The following DOK6 variants were observed in gnomAD, a reference collection of about 807,000 sequenced individuals.
DOK6 encodes docking protein 6, also known as downstream of tyrosine kinase 6.
A neutral mutation model predicts 44.0 loss-of-function variants in DOK6; 22 were observed. That is an observed-to-expected ratio of 0.50 (90% CI 0.36 to 0.71). DOK6 has a LOEUF of 0.71. Ranked by LOEUF, DOK6 falls within the 30% of genes least tolerant of loss-of-function variation. The pLI is 0.00. For synonymous variants in DOK6, 166 were observed against 145.5 expected, an observed-to-expected ratio of 1.14 and a Z score of -1.01; for missense variants, 340 against 416.4, an observed-to-expected ratio of 0.82 and a Z score of 1.60.
At chr18:69,482,750 A>G (rs1568272266) in intron 1 of DOK6, among the ~76,000 whole-genome samples, 2 of 152,058 alleles carry the variant, frequency 1.3e-5, no homozygotes, top group Admixed American at 1.3e-4. Context: ...TATAAAAATT[A>G]TTCTATAAAA....
intron 1 of DOK6, among the ~76,000 whole-genome samples, chr18:69,497,879 C>G (rs563935946): frequency 1.3e-5 from 2 of 152,044 alleles, no homozygotes; most frequent in African/African-American, 4.8e-5. Context: ...AATCTCACTA[C>G]GTTGGGAAGG....
chr18:69,590,106 T>A (rs1983590635), intron 2 of DOK6, among the ~76,000 whole-genome samples: 1 of 152,154 alleles, frequency 6.6e-6, no homozygotes, highest in South Asian at 2.1e-4. Flanking sequence ...AATAAATGCC[T>A]AGTGGTCTTC....
intron 1 of DOK6, among the ~76,000 whole-genome samples, chr18:69,498,211 A>T (rs1312768178): frequency 6.6e-6 from 1 of 152,194 alleles, no homozygotes; most frequent in African/African-American, 2.4e-5. Context: ...ATTTGATTTC[A>T]TTCCAATTAA....
At chr18:69,837,141 T>G (rs1490632079) in intron 7 of DOK6, among the ~76,000 whole-genome samples, 2 of 152,172 alleles carry the variant, frequency 1.3e-5, no homozygotes, top group Non-Finnish European at 2.9e-5. Context: ...AATGTCTTAG[T>G]CTTTTTTGTG....
In DOK6 at chr18:69,845,215, T is replaced by C. The variant is rs1366767249; in HGVS notation, c.*3832T>C. 6.6e-6 allele frequency: 1 copy of C among 152,168 alleles called. No individual in the cohort carries two copies. The highest frequency in any genetic ancestry group is 1.5e-5 in the Non-Finnish European group (1 of 68,028). 9.4% of individuals were successfully genotyped at this position (152,168 alleles called of 1,614,324 possible). A position where few individuals can be genotyped will look rare whatever the true frequency, so the allele number is the denominator to read the frequency against. ...ATTCTCCTAAAAAGTTATATTCCAG[T>C]TTTGATTATTATAACACAGCACAAT... On this transcript the variant is annotated 3_prime_UTR_variant, in exon 8 of 8. Coordinates refer to ENST00000382713, the MANE Select transcript of DOK6 (RefSeq NM_152721.6).
chr18:69,746,609 T>C (rs983918501), intron 6 of DOK6, among the ~76,000 whole-genome samples: 2 of 152,204 alleles, frequency 1.3e-5, no homozygotes, highest in Non-Finnish European at 2.9e-5. Flanking sequence ...TTAATGAAAA[T>C]ATCCTACAAA....
intron 7 of DOK6, among the ~76,000 whole-genome samples, chr18:69,824,178 A>G (rs1414424590): frequency 1.8e-5 from 2 of 112,538 alleles, no homozygotes; most frequent in Admixed American, 2.0e-4. Context: ...TATATCTCCT[A>G]ATGCTATCCC....
At chr18:69,487,590 C>T (rs936406946) in intron 1 of DOK6, among the ~76,000 whole-genome samples, 4 of 152,130 alleles carry the variant, frequency 2.6e-5, no homozygotes, top group Middle Eastern at 3.2e-3. Context: ...TAGATGTTTA[C>T]CCCTTTGCTG....
chr18:69,553,980 A>G (rs1197342791), intron 1 of DOK6, among the ~76,000 whole-genome samples: 1 of 152,156 alleles, frequency 6.6e-6, no homozygotes, highest in East Asian at 1.9e-4. Flanking sequence ...ATCCTAGCAA[A>G]GGATCAATTC....
intron 1 of DOK6, among the ~76,000 whole-genome samples, chr18:69,438,016 A>G (rs527921857): frequency 1.3e-5 from 2 of 152,168 alleles, no homozygotes; most frequent in Non-Finnish European, 2.9e-5. Flanking sequence ...TTCAGTGTGT[A>G]GTAATATTTT....
chr18:69,617,371 C>T (rs904254781), intron 3 of DOK6, among the ~76,000 whole-genome samples: 25 of 132,636 alleles, frequency 1.9e-4, no homozygotes, highest in African/African-American at 4.8e-4. Flanking sequence ...AAAGACTGAG[C>T]GATAGGAGAA....
intron 2 of DOK6, among the ~76,000 whole-genome samples, chr18:69,580,920 G>A (rs1054919546): frequency 2.6e-5 from 4 of 152,026 alleles, no homozygotes; most frequent in South Asian, 2.1e-4. Flanking sequence ...CAGTGAGAAC[G>A]TGTGGTATTA....
chr18:69,464,975 C>T (rs563135640), intron 1 of DOK6, among the ~76,000 whole-genome samples: 98 of 152,274 alleles, frequency 6.4e-4, no homozygotes, highest in African/African-American at 2.3e-3. Flanking sequence ...CTCCTTGTAG[C>T]ATCTTTACAT....
At chr18:69,602,716 T>C (rs1369235886) in intron 3 of DOK6, among the ~76,000 whole-genome samples, 8 of 152,172 alleles carry the variant, frequency 5.3e-5, no homozygotes, top group African/African-American at 9.7e-5. Context: ...TCTAAAACTA[T>C]ACCAAAATGA....
At chr18:69,598,057 C>CATCCACAT (rs1253543087) in intron 2 of DOK6, among the ~76,000 whole-genome samples, 1 of 152,026 alleles carries the variant, frequency 6.6e-6, no homozygotes, top group East Asian at 1.9e-4. Context: ...GATTACTCGC[C>CATCCACAT]TGTGATTTTT....
intron 3 of DOK6, among the ~76,000 whole-genome samples, chr18:69,656,366 G>A (rs1985368189): frequency 6.6e-6 from 1 of 152,184 alleles, no homozygotes; most frequent in Non-Finnish European, 1.5e-5. Flanking sequence ...AAACAGAAAG[G>A]AGGAAGATGC....
intron 1 of DOK6, among the ~76,000 whole-genome samples, chr18:69,495,396 A>G (rs1172324328): frequency 6.6e-6 from 1 of 152,162 alleles, no homozygotes; most frequent in African/African-American, 2.4e-5. Flanking sequence ...AGGTATGCAG[A>G]TAAGTGGAGG....
chr18:69,534,732 G>A (rs977312212), intron 1 of DOK6, among the ~76,000 whole-genome samples: 8 of 151,546 alleles, frequency 5.3e-5, no homozygotes, highest in Non-Finnish European at 8.8e-5. Context: ...TTTATCTATC[G>A]TTGCATCAAA....
intron 3 of DOK6, among the ~76,000 whole-genome samples, chr18:69,628,090 A>T (rs1397958017): frequency 6.6e-6 from 1 of 152,206 alleles, no homozygotes; most frequent in Admixed American, 6.5e-5. Flanking sequence ...TAAAATTTGA[A>T]TAAATTTGTT....
Sources: allele counts gnomAD v4.1 joint callset (sites outside exome capture counted in the v4.1 genomes callset), GRCh38; gene constraint gnomAD v4.1.1; transcripts MANE v1.5; gene names NCBI Gene and HGNC (gene_info 2026-07-23, HGNC 2026-07-21).